The following MSRA variants were observed in gnomAD, a reference collection of about 807,000 sequenced individuals.
MSRA encodes mitochondrial peptide methionine sulfoxide reductase.
Under a neutral mutation model 31.3 loss-of-function variants are expected in MSRA, and 54 were observed. The ratio of observed to expected loss-of-function variants is 1.73; its 90% CI spans 1.39 to 2.17. The LOEUF is 2.17. MSRA is among the 30% of genes most tolerant of loss of function. MSRA has a pLI of 0.00. For synonymous variants in MSRA, 169 were observed against 116.5 expected, an observed-to-expected ratio of 1.45 and a Z score of -2.90; for missense variants, 507 against 300.9, an observed-to-expected ratio of 1.69 and a Z score of -5.07.
intron 5 of MSRA, among the ~76,000 whole-genome samples, chr8:10,322,618 C>T (rs571626264): frequency 6.6e-6 from 1 of 152,156 alleles, no homozygotes; most frequent in Non-Finnish European, 1.5e-5. Context: ...TGGGCTGTTT[C>T]TGCCTTGCAG....
chr8:10,254,578 C>G (rs1004181550), intron 3 of MSRA, among the ~76,000 whole-genome samples: 1 of 152,190 alleles, frequency 6.6e-6, no homozygotes, highest in Non-Finnish European at 1.5e-5. Context: ...CTGTCACAGT[C>G]CCATGAGATA....
chr8:10,124,746 GATTTT>G (rs1801381175), intron 1 of MSRA, among the ~76,000 whole-genome samples: 1 of 152,032 alleles, frequency 6.6e-6, no homozygotes, highest in Non-Finnish European at 1.5e-5. Context: ...ATGCAGAGAT[GATTTT>G]TTTTTGGTTG....
At chr8:10,187,129 T>G (rs776588247) in intron 1 of MSRA, among the ~76,000 whole-genome samples, 24 of 152,192 alleles carry the variant, frequency 1.6e-4, no homozygotes, top group Non-Finnish European at 3.1e-4. Context: ...GAGGATTGTT[T>G]TAGAATCTTT....
At chr8:10,080,578 T>C (rs1169718794) in intron 1 of MSRA, among the ~76,000 whole-genome samples, 1 of 152,138 alleles carries the variant, frequency 6.6e-6, no homozygotes, top group East Asian at 1.9e-4. Flanking sequence ...GAGGCTAGAG[T>C]GCAGTAGCAC....
At chr8:10,219,828 A>AAAAAAAAAAAG (rs1563232602) in intron 2 of MSRA, among the ~76,000 whole-genome samples, 5 of 147,582 alleles carry the variant, frequency 3.4e-5, no homozygotes, top group African/African-American at 1.2e-4. Flanking sequence ...AAAAAAAAAA[A>AAAAAAAAAAAG]GATATTTGTT....
At chr8:10,310,431 G>C (rs894639184) in intron 4 of MSRA, among the ~76,000 whole-genome samples, 2 of 152,116 alleles carry the variant, frequency 1.3e-5, no homozygotes, top group African/African-American at 2.4e-5. Context: ...TTTGCTGTTT[G>C]CAAAAGTGTT....
chr8:10,233,805 A>C (rs1000096987), intron 2 of MSRA, among the ~76,000 whole-genome samples: 4 of 152,232 alleles, frequency 2.6e-5, no homozygotes, highest in Non-Finnish European at 4.4e-5. Context: ...TTAGAAATGA[A>C]GATGTGAATC....
intron 1 of MSRA, among the ~76,000 whole-genome samples, chr8:10,207,189 G>A (rs534852096): frequency 1.3e-5 from 2 of 152,256 alleles, no homozygotes; most frequent in Non-Finnish European, 2.9e-5. Flanking sequence ...TGTTACTTCC[G>A]AGTCCTCAGT....
Position 10,073,519 on chromosome 8 carries a change from A to G in MSRA, c.142+18861A>G, listed in dbSNP as rs78179203. ...CAGAAAAGGTTTGCTGAATCTTACT[A>G]TAGTTTCACCAACTTTTTCTTTTGA... On this transcript the variant is annotated intron_variant, in intron 1 of 5. Coordinates refer to ENST00000317173, the MANE Select transcript of MSRA (RefSeq NM_012331.5). Among the ~76,000 whole-genome samples the G allele has an allele frequency of 4.5e-4, 68 of 151,950 alleles. 4 individuals are homozygous for G. The East Asian group carries it at 0.013, about 29-fold the overall frequency.
chr8:10,194,019 C>T (rs1030955865), intron 1 of MSRA, among the ~76,000 whole-genome samples: 1 of 151,678 alleles, frequency 6.6e-6, no homozygotes, highest in Non-Finnish European at 1.5e-5. Context: ...AGATACTCTT[C>T]TGTTATGGAA....
chr8:10,254,259 A>G (rs1168815130), intron 3 of MSRA, among the ~76,000 whole-genome samples: 2 of 152,216 alleles, frequency 1.3e-5, no homozygotes, highest in Non-Finnish European at 2.9e-5. Context: ...ACCTACCCAC[A>G]ACGTGTTTTG....
intron 5 of MSRA, among the ~76,000 whole-genome samples, chr8:10,422,235 A>T (rs1008994207): frequency 2.6e-5 from 4 of 152,170 alleles, no homozygotes; most frequent in African/African-American, 9.7e-5. Context: ...GCCATCAACC[A>T]TGGTTGCACC....
chr8:10,239,699 G>A (rs1195705374), intron 2 of MSRA, among the ~76,000 whole-genome samples: 1 of 152,096 alleles, frequency 6.6e-6, no homozygotes. Context: ...TACTGTTTTG[G>A]GGACTAGGAC....
chr8:10,118,729 G>T (rs1208009501), intron 1 of MSRA, among the ~76,000 whole-genome samples: 1 of 152,136 alleles, frequency 6.6e-6, no homozygotes, highest in Admixed American at 6.5e-5. Context: ...ATCTTCAACA[G>T]CTGGTGGACT....
intron 4 of MSRA, among the ~76,000 whole-genome samples, chr8:10,313,347 T>A (rs938835422): frequency 6.6e-6 from 1 of 152,182 alleles, no homozygotes; most frequent in Non-Finnish European, 1.5e-5. Context: ...ACCATCTCCT[T>A]TTTATTAACT....
chr8:10,424,478 C>T (rs188250279), intron 5 of MSRA, among the ~76,000 whole-genome samples: 1 of 116,114 alleles, frequency 8.6e-6, no homozygotes, highest in East Asian at 2.6e-4. Flanking sequence ...TGGAGTGGGA[C>T]GGGAAGAAGG....
chr8:10,382,645 A>G (rs1806142138), intron 5 of MSRA, among the ~76,000 whole-genome samples: 1 of 152,188 alleles, frequency 6.6e-6, no homozygotes, highest in African/African-American at 2.4e-5. Context: ...TCCACCAACT[A>G]CAGTTACTGA....
intron 5 of MSRA, among the ~76,000 whole-genome samples, chr8:10,413,450 A>G (rs569212229): frequency 6.6e-6 from 1 of 152,322 alleles, no homozygotes; most frequent in South Asian, 2.1e-4. Context: ...AGGACATCTG[A>G]TTTCCAGAGT....
chr8:10,354,621 G>T (rs1324131256), intron 5 of MSRA, among the ~76,000 whole-genome samples: 1 of 151,874 alleles, frequency 6.6e-6, no homozygotes. Flanking sequence ...AGTAAAATCA[G>T]ATTAGAATGA....
Sources: gnomAD v4.1 joint callset for allele counts (sites outside exome capture counted in the v4.1 genomes callset) on GRCh38, gnomAD v4.1.1 for gene constraint, MANE v1.5 for transcripts, NCBI Gene and HGNC (gene_info 2026-07-23, HGNC 2026-07-21) for gene names.